The following CSMD3 variants were observed in gnomAD, a reference collection of about 807,000 sequenced individuals.
CSMD3 encodes the protein CUB and sushi domain-containing protein 3.
In CSMD3, 177 loss-of-function variants were observed where a neutral mutation model predicts 435.2. The ratio of observed to expected loss-of-function variants is 0.41; its 90% CI spans 0.36 to 0.46. The LOEUF (loss-of-function observed/expected upper bound fraction) is 0.46, where lower values mean the gene tolerates loss of function less well. Ranked by LOEUF, CSMD3 falls within the 20% of genes least tolerant of loss-of-function variation. CSMD3 has a pLI of 0.34. For synonymous variants in CSMD3, 1,656 were observed against 1,520.5 expected, an observed-to-expected ratio of 1.09 and a Z score of -2.07; for missense variants, 4,265 against 4,504.6, an observed-to-expected ratio of 0.95 and a Z score of 1.52.
At chr8:112,755,694 C>A (rs2077682517) in intron 13 of CSMD3, among the ~76,000 whole-genome samples, 1 of 151,050 alleles carries the variant, frequency 6.6e-6, no homozygotes, top group Non-Finnish European at 1.5e-5. Flanking sequence ...TACAACCTAT[C>A]CTTGTCTGTA....
intron 27 of CSMD3, among the ~76,000 whole-genome samples, chr8:112,540,356 T>G (rs1826543404): frequency 6.6e-6 from 1 of 152,062 alleles, no homozygotes; most frequent in Non-Finnish European, 1.5e-5. Flanking sequence ...ATGCAGCAAC[T>G]ATATAAAATA....
intron 16 of CSMD3, among the ~76,000 whole-genome samples, chr8:112,672,949 G>C (rs1295980923): frequency 1.3e-5 from 2 of 152,108 alleles, no homozygotes; most frequent in African/African-American, 4.8e-5. Context: ...CTCCACAGCA[G>C]GAGATGCTCT....
chr8:113,421,573 C>T (rs558492384), intron 1 of CSMD3, among the ~76,000 whole-genome samples: 9 of 152,128 alleles, frequency 5.9e-5, no homozygotes, highest in East Asian at 1.9e-4. Flanking sequence ...ACTCAGAAAA[C>T]GATACCCTGA....
At chr8:112,236,527 G>C (rs1813612753) in intron 67 of CSMD3, among the ~76,000 whole-genome samples, 1 of 151,912 alleles carries the variant, frequency 6.6e-6, no homozygotes, top group Non-Finnish European at 1.5e-5. Flanking sequence ...AAAAAAACAG[G>C]GTAAGGCTGC....
intron 6 of CSMD3, among the ~76,000 whole-genome samples, chr8:113,018,232 G>T (rs2131165359): frequency 6.6e-6 from 1 of 152,022 alleles, no homozygotes; most frequent in South Asian, 2.1e-4. Flanking sequence ...ATTAATTGTT[G>T]AATTTTGTAT....
chr8:112,600,768 C>T (rs1167467744), intron 22 of CSMD3, among the ~76,000 whole-genome samples: 1 of 152,000 alleles, frequency 6.6e-6, no homozygotes, highest in Non-Finnish European at 1.5e-5. Flanking sequence ...AGCTCCACCT[C>T]CCAAGTTCAC....
chr8:113,079,442 A>C (rs1028348407), intron 5 of CSMD3, among the ~76,000 whole-genome samples: 7 of 152,040 alleles, frequency 4.6e-5, no homozygotes, highest in African/African-American at 1.7e-4. Context: ...TTTTTTTTCA[A>C]CTCAGCTTCA....
intron 3 of CSMD3, among the ~76,000 whole-genome samples, chr8:113,261,734 A>T (rs1017086780): frequency 6.6e-6 from 1 of 152,130 alleles, no homozygotes; most frequent in African/African-American, 2.4e-5. Context: ...AATACAAAAT[A>T]AATATTAGAA....
At chr8:113,198,300 T>TCATC (rs2092681474) in intron 3 of CSMD3, among the ~76,000 whole-genome samples, 1 of 151,378 alleles carries the variant, frequency 6.6e-6, no homozygotes. Context: ...ACATATGCCA[T>TCATC]CATCCTGTTA....
intron 27 of CSMD3, among the ~76,000 whole-genome samples, chr8:112,525,762 A>G (rs1409199918): frequency 7.0e-6 from 1 of 141,978 alleles, no homozygotes; most frequent in Non-Finnish European, 1.5e-5. Context: ...ATATATATAT[A>G]TATATATATT....
chr8:112,489,407 A>G (rs1032140501), intron 31 of CSMD3, among the ~76,000 whole-genome samples: 7 of 152,236 alleles, frequency 4.6e-5, no homozygotes, highest in African/African-American at 1.7e-4. Context: ...CATGGGTGAC[A>G]GAGTGAGACC....
chr8:113,029,477 A>C (rs1036074194), intron 5 of CSMD3, among the ~76,000 whole-genome samples: 1 of 151,704 alleles, frequency 6.6e-6, no homozygotes, highest in East Asian at 1.9e-4. Flanking sequence ...TAACATATGC[A>C]AGTCAATAAA....
chr8:112,611,938 C>T (rs749754899), intron 22 of CSMD3, among the ~76,000 whole-genome samples: 6 of 152,076 alleles, frequency 3.9e-5, no homozygotes, highest in Non-Finnish European at 8.8e-5. Flanking sequence ...ACAAAGCAGT[C>T]ACTTTGCTAT....
At chr8:113,067,518 A>G (rs537501903) in intron 5 of CSMD3, among the ~76,000 whole-genome samples, 1 of 152,216 alleles carries the variant, frequency 6.6e-6, no homozygotes, top group African/African-American at 2.4e-5. Context: ...GTTGGTGCAA[A>G]AATTATTACA....
At chr8:112,751,643 T>TA (rs1491251970) in intron 13 of CSMD3, among the ~76,000 whole-genome samples, 3 of 141,386 alleles carry the variant, frequency 2.1e-5, no homozygotes, top group African/African-American at 7.9e-5. Context: ...TTTTTTTTTT[T>TA]ATATATTTTA....
intron 32 of CSMD3, among the ~76,000 whole-genome samples, chr8:112,454,818 C>G (rs1816661372): frequency 6.6e-6 from 1 of 151,990 alleles, no homozygotes; most frequent in South Asian, 2.1e-4. Flanking sequence ...TGATGAGACT[C>G]TGTCTCTACA....
At chr8:112,254,736 T>C in intron 62 of CSMD3, among the ~76,000 whole-genome samples, 1 of 152,234 alleles carries the variant, frequency 6.6e-6, no homozygotes, top group African/African-American at 2.4e-5. Context: ...GAAACAGGAC[T>C]TGATAATTTG....
At chr8:113,154,780 T>C (rs2091899461) in intron 4 of CSMD3, among the ~76,000 whole-genome samples, 1 of 152,022 alleles carries the variant, frequency 6.6e-6, no homozygotes, top group Non-Finnish European at 1.5e-5. Context: ...TTTTGTATAC[T>C]GTATGTCTTT....
intron 4 of CSMD3, among the ~76,000 whole-genome samples, chr8:113,168,018 A>G (rs1191710943): frequency 2.0e-5 from 3 of 152,156 alleles, no homozygotes; most frequent in Non-Finnish European, 4.4e-5. Flanking sequence ...CAATGCTTCA[A>G]TCCTCGAAAA....
Sources: allele counts gnomAD v4.1 joint callset (sites outside exome capture counted in the v4.1 genomes callset), GRCh38; gene constraint gnomAD v4.1.1; transcripts MANE v1.5; gene names NCBI Gene and HGNC (gene_info 2026-07-23, HGNC 2026-07-21).